Variants in WDR27 observed in about 807,000 individuals in gnomAD.
WDR27 encodes WD repeat domain 27.
In WDR27, 100 loss-of-function variants were observed where a neutral mutation model predicts 114.4. The observed-to-expected ratio is 0.87, with a 90% confidence interval of 0.74 to 1.03. WDR27 has a LOEUF of 1.03. Ranked by LOEUF, WDR27 falls within the 50% of genes least tolerant of loss-of-function variation. WDR27 has a pLI of 0.00. For synonymous variants in WDR27, 449 were observed against 423.1 expected (o/e 1.06, Z -0.75); for missense variants, 1,129 against 1,092.9 (o/e 1.03, Z -0.47).
intron 25 of WDR27, among the ~76,000 whole-genome samples, chr6:169,544,588 C>T (rs906641734): frequency 1.6e-4 from 24 of 152,188 alleles, no homozygotes; most frequent in African/African-American, 5.8e-4. Flanking sequence ...ACAGGCACCA[C>T]CACGCCCAGC....
chr6:169,451,312 A>T, the WDR27 span, among the ~76,000 whole-genome samples: 1 of 152,230 alleles, frequency 6.6e-6, no homozygotes. Flanking sequence ...CTGTCTTTCC[A>T]GATAGAACCA....
intron 13 of WDR27, among the ~76,000 whole-genome samples, chr6:169,653,196 CATCTGAACA>C (rs1823074387): frequency 2.0e-5 from 3 of 152,186 alleles, no homozygotes. Context: ...CTTGGAAAAC[CATCTGAACA>C]GTCTAGTATG....
At chr6:169,619,448 C>T (rs1223308348) in intron 21 of WDR27, among the ~76,000 whole-genome samples, 3 of 152,146 alleles carry the variant, frequency 2.0e-5, no homozygotes, top group African/African-American at 7.2e-5. Flanking sequence ...GACCACGGCC[C>T]GTGACACAGC....
In WDR27 at chr6:169,665,537, T is replaced by G. The variant is rs751245957; in HGVS notation, c.732A>C (p.Leu244Phe). The change falls in exon 7 of 26, where the codon TTA becomes TTC. Residue 244 changes from leucine to phenylalanine, a missense_variant. Physicochemically the swap from Leu to Phe is conservative, Grantham distance 22 (BLOSUM62 0). Transcript: ENST00000448612. Reference protein sequence around the residue: ...SVLSAYPLLSLFIDAESRQLV... With the variant: ...SVLSAYPLLSFFIDAESRQLV... ...GCTGCCTGCTTTCTGCATCAATGAA[T>G]AAACTGAGAAGAGGATATGCTGGTG... is the stretch of plus-strand genomic sequence containing the variant. The G allele has an allele frequency of 1.2e-6, 2 of 1,613,802 alleles. No individual in the cohort carries two copies. The highest frequency in any genetic ancestry group is 1.7e-6 in the Non-Finnish European group (2 of 1,179,778).
At chr6:169,470,773 T>C (rs1216246838) in intron 25 of WDR27, among the ~76,000 whole-genome samples, 1 of 152,200 alleles carries the variant, frequency 6.6e-6, no homozygotes, top group East Asian at 1.9e-4. Context: ...AGTATAGTGA[T>C]GTCAGGGGCT....
At chr6:169,441,298 A>G in the WDR27 span, among the ~76,000 whole-genome samples, 5 of 152,192 alleles carry the variant, frequency 3.3e-5, no homozygotes, top group African/African-American at 4.8e-5. Context: ...AAGCACCAAA[A>G]GACAATTAAA....
At chr6:169,433,870 T>C in the WDR27 span, among the ~76,000 whole-genome samples, 1 of 152,270 alleles carries the variant, frequency 6.6e-6, no homozygotes, top group Admixed American at 6.5e-5. Context: ...CATATGTTTG[T>C]TGGCCACATA....
At chr6:169,445,556 G>C in the WDR27 span, among the ~76,000 whole-genome samples, 1 of 151,768 alleles carries the variant, frequency 6.6e-6, no homozygotes, top group African/African-American at 2.4e-5. Flanking sequence ...CCGTCACCCA[G>C]CAAGCATTCT....
chr6:169,638,563 A>G lies in WDR27; in HGVS notation c.1845T>C (p.Arg615=). ...RDGTLRMWSA[R]GAELALLLGK... ...CCAGAAGCAGTGCGAGCTCTGCCCC[A>G]CGAGCCGACCACATTCGCAGGGTCC... The change falls in exon 18 of 26, where the codon CGT becomes CGC. Residue 615 remains arginine (R), a synonymous_variant. Transcript: ENST00000448612. 4 of 1,610,928 alleles carry G rather than the reference A, an allele frequency of 2.5e-6. No homozygotes were observed. Among genetic ancestry groups the G allele is most frequent in the Non-Finnish European group, 3.4e-6 (4 of 1,178,908 alleles).
chr6:169,646,751 A>AG (rs1820847502), intron 16 of WDR27, among the ~76,000 whole-genome samples: 1 of 151,216 alleles, frequency 6.6e-6, no homozygotes, highest in Non-Finnish European at 1.5e-5. Context: ...CTGTCTCAAA[A>AG]AAAAAAAAAA....
intron 23 of WDR27, among the ~76,000 whole-genome samples, chr6:169,596,374 T>C (rs538705272): frequency 3.3e-5 from 5 of 152,188 alleles, no homozygotes; most frequent in African/African-American, 4.8e-5. Flanking sequence ...ATTTGCTTTC[T>C]ATTATATTCC....
chr6:169,691,164 G>C (rs9371123), intron 1 of WDR27, among the ~76,000 whole-genome samples: 3 of 152,058 alleles, frequency 2.0e-5, no homozygotes, highest in African/African-American at 4.8e-5. Flanking sequence ...GCAGTGAGCC[G>C]AGATCGCGCC....
chr6:169,457,310 G>T lies in WDR27; in HGVS notation c.*282C>A, dbSNP rs896453819. 2 of 313,676 alleles carry T rather than the reference G, an allele frequency of 6.4e-6. No homozygotes were observed. Among genetic ancestry groups the T allele is most frequent in the Non-Finnish European group, 1.2e-5 (2 of 171,260 alleles). 19.4% of individuals were successfully genotyped at this position (313,676 alleles called of 1,614,324 possible). On this transcript the variant is annotated 3_prime_UTR_variant, in exon 26 of 26. Coordinates refer to ENST00000448612, the MANE Select transcript of WDR27 (RefSeq NM_182552.5). Reference sequence around the variant, plus strand: ...AATACTATATTATGTTTTATTGAAAGATATTTTGTTTTAACTTTACCAAAT... The same window carrying T: ...AATACTATATTATGTTTTATTGAAATATATTTTGTTTTAACTTTACCAAAT...
intron 2 of WDR27, among the ~76,000 whole-genome samples, chr6:169,683,971 G>A (rs1782240745): frequency 6.6e-6 from 1 of 152,190 alleles, no homozygotes; most frequent in Admixed American, 6.5e-5. Context: ...GACCAGAGCT[G>A]CCTCTCCAAC....
At chr6:169,435,164 A>T in the WDR27 span, among the ~76,000 whole-genome samples, 1 of 152,218 alleles carries the variant, frequency 6.6e-6, no homozygotes, top group Non-Finnish European at 1.5e-5. Context: ...CACAGAAGTC[A>T]AGAATTGAGG....
chr6:169,431,658 A>G, the WDR27 span, among the ~76,000 whole-genome samples: 1 of 151,822 alleles, frequency 6.6e-6, no homozygotes, highest in Non-Finnish European at 1.5e-5. Flanking sequence ...CTTGGATTTT[A>G]TTTCAGTTTT....
intron 1 of WDR27, among the ~76,000 whole-genome samples, chr6:169,699,810 T>A (rs1437409913): frequency 6.6e-6 from 1 of 152,050 alleles, no homozygotes; most frequent in Non-Finnish European, 1.5e-5. Context: ...AGTGAGACCC[T>A]GTCTCTACTT....
rs1562537509 is a variant in WDR27 at position 169,529,311 on chromosome 6, G to GT, written c.2645+43107_2645+43108insA. On this transcript the variant is annotated intron_variant, in intron 25 of 25. Transcript: ENST00000448612. ...TAGCACGTTAACGGTGGTGACCTCT[G>GT]CGGGGGGGGGGGGCAGCTAATGCTA... Among the ~76,000 whole-genome samples the GT allele has an allele frequency of 2.0e-3, 64 of 32,584 alleles. 1 individual carries two copies. The highest frequency in any genetic ancestry group is 3.8e-3 in the Non-Finnish European group (55 of 14,438). The allele number at this position is 32,584 out of a possible 152,430, so 21.4% of individuals were successfully genotyped here.
chr6:169,540,269 T>C (rs1796669840), intron 25 of WDR27, among the ~76,000 whole-genome samples: 1 of 152,194 alleles, frequency 6.6e-6, no homozygotes, highest in Non-Finnish European at 1.5e-5. Context: ...CATAACTTGC[T>C]TATGATCACG....
Sources: allele counts gnomAD v4.1 joint callset (sites outside exome capture counted in the v4.1 genomes callset), GRCh38; gene constraint gnomAD v4.1.1; transcripts MANE v1.5; gene names NCBI Gene and HGNC (gene_info 2026-07-23, HGNC 2026-07-21).